ARID2: variants seen among roughly 807,000 people sequenced by gnomAD.
The protein encoded by ARID2 is AT-rich interaction domain 2.
In ARID2, 32 loss-of-function variants were observed where a neutral mutation model predicts 184.6. The ratio of observed to expected loss-of-function variants is 0.17; its 90% confidence interval spans 0.13 to 0.23. ARID2 has a LOEUF of 0.23. ARID2 is among the 10% of genes least tolerant of loss of function. The pLI, the probability that ARID2 is intolerant of heterozygous loss-of-function variation, is 1.00. For missense variants in ARID2, 1,696 were observed against 2,197.6 expected (o/e 0.77, Z 4.56); for synonymous variants, 836 against 772.6 (o/e 1.08, Z -1.36).
chr12:45,817,891 A>AAGTTTT lies in ARID2; in HGVS notation c.637+5_637+10dup. 6.2e-7 allele frequency: 1 copy of AAGTTTT among 1,610,296 alleles called. No individual in the cohort carries two copies. The highest frequency in any genetic ancestry group is 8.5e-7 in the Non-Finnish European group (1 of 1,178,422). On this transcript the variant is annotated splice_donor_region_variant and intron_variant, in intron 5 of 20. Coordinates refer to ENST00000334344, the MANE Select transcript of ARID2 (RefSeq NM_152641.4). ...TAATGCCGGGGTGTTTGACGACAGT[A>AAGTTTT]AGTTTTAAGCTGAATGTATTATATA... is the stretch of plus-strand genomic sequence containing the variant.
intron 6 of ARID2, among the ~76,000 whole-genome samples, chr12:45,828,788 A>C (rs1265225833): frequency 5.3e-5 from 8 of 152,002 alleles, no homozygotes; most frequent in African/African-American, 1.4e-4. Flanking sequence ...ATTTTTAAAT[A>C]ATTATCTTTT....
At chr12:45,893,396 T>TCA (rs1423073845) in intron 18 of ARID2, 24 bp from the exon 19 acceptor site, 3 of 1,597,302 alleles carry the variant, frequency 1.9e-6, no homozygotes, top group Non-Finnish European at 2.6e-6. Context: ...ATTCTCTCTC[T>TCA]CTCTCTCTCT....
Position 45,906,511 on chromosome 12 carries a change from T to C in ARID2, c.*1433T>C, listed in dbSNP as rs190709568. The C allele has an allele frequency of 8.6e-5, 20 of 232,960 alleles. No individual in the cohort carries two copies. Among genetic ancestry groups the C allele is most frequent in the African/African-American group, 3.7e-4 (17 of 45,436 alleles). 14.4% of individuals were successfully genotyped at this position (232,960 alleles called of 1,614,324 possible). A position where few individuals can be genotyped will look rare whatever the true frequency, so the allele number is the denominator to read the frequency against. On this transcript the variant is annotated 3_prime_UTR_variant, in exon 21 of 21. Coordinates refer to ENST00000334344, the MANE Select transcript of ARID2 (RefSeq NM_152641.4). ...GGCTTTATTTACTTTGGTGACTGTTTATAGTTTTTAAATAAAAGACTGAAC... is the reference window on the plus strand; with the variant it reads ...GGCTTTATTTACTTTGGTGACTGTTCATAGTTTTTAAATAAAAGACTGAAC...
chr12:45,835,545 A>T (rs2138122855), intron 6 of ARID2, among the ~76,000 whole-genome samples: 1 of 152,280 alleles, frequency 6.6e-6, no homozygotes, highest in Non-Finnish European at 1.5e-5. Context: ...AATGTCACAG[A>T]TACTGCTAAT....
intron 3 of ARID2, among the ~76,000 whole-genome samples, chr12:45,731,806 G>T (rs1211428861): frequency 2.0e-5 from 3 of 151,596 alleles, no homozygotes; most frequent in Admixed American, 2.0e-4. Context: ...ATTCCTACAT[G>T]GCATAACATG....
intron 16 of ARID2, among the ~76,000 whole-genome samples, chr12:45,885,328 G>A (rs906834165): frequency 9.9e-5 from 15 of 152,020 alleles, no homozygotes; most frequent in African/African-American, 3.6e-4. Context: ...TATGTTTGCA[G>A]TATGAATTTT....
intron 20 of ARID2, among the ~76,000 whole-genome samples, chr12:45,900,604 C>G (rs535369843): frequency 2.5e-4 from 38 of 152,280 alleles, no homozygotes; most frequent in African/African-American, 8.7e-4. Flanking sequence ...CTGGTACACA[C>G]CTCTTCTCAG....
chr12:45,790,107 T>A (rs1470123643), intron 3 of ARID2, among the ~76,000 whole-genome samples: 1 of 152,184 alleles, frequency 6.6e-6, no homozygotes, highest in Non-Finnish European at 1.5e-5. Flanking sequence ...AATAGCGTAT[T>A]TTTCCATTTT....
chr12:45,822,247 A>T (rs979105713), intron 6 of ARID2, among the ~76,000 whole-genome samples: 2 of 152,186 alleles, frequency 1.3e-5, no homozygotes, highest in Admixed American at 6.5e-5. Flanking sequence ...CACACCTGTA[A>T]TCCCAGCACC....
chr12:45,849,116 G>A (rs1044198340), intron 13 of ARID2, 146 bp downstream of exon 13: 3 of 840,282 alleles, frequency 3.6e-6, no homozygotes, highest in African/African-American at 1.8e-5. Context: ...TGTGGTGGAG[G>A]TTTAAATAAA....
In ARID2 at chr12:45,768,946, T is replaced by G. The variant is rs560164465; in HGVS notation, c.284+37632T>G. Among the ~76,000 whole-genome samples, 7 of 152,300 alleles carry G rather than the reference T, an allele frequency of 4.6e-5. No individual in the cohort carries two copies. In the East Asian group the frequency reaches 1.4e-3, roughly 29 times the overall value. On this transcript the variant is annotated intron_variant, in intron 3 of 20. Coordinates refer to ENST00000334344, the MANE Select transcript of ARID2 (RefSeq NM_152641.4). Reference sequence around the variant, plus strand: ...AACCACTGTCATTTCATGGTGACTTTGGGACTATCCAAGGCTGTGCCTCCT... The same window carrying G: ...AACCACTGTCATTTCATGGTGACTTGGGGACTATCCAAGGCTGTGCCTCCT...
At chr12:45,797,371 A>G (rs1942410519) in intron 3 of ARID2, among the ~76,000 whole-genome samples, 1 of 152,074 alleles carries the variant, frequency 6.6e-6, no homozygotes, top group South Asian at 2.1e-4. Flanking sequence ...AGTAGCTGAG[A>G]TTACAGGTGT....
At position 45,772,525 on chromosome 12, in the gene ARID2, A is replaced by G. The variant is rs1215866014; in HGVS notation, c.285-38893A>G. ...CAGGAGACACACTTCAGATTCAAAT[A>G]TATGGATTGAAAATAAAAGGATGAC... On this transcript the variant is annotated intron_variant, in intron 3 of 20. Coordinates refer to ENST00000334344, the MANE Select transcript of ARID2 (RefSeq NM_152641.4). Among the ~76,000 whole-genome samples, 3 of 152,352 alleles carry G rather than the reference A, an allele frequency of 2.0e-5. No individual in the cohort carries two copies. In the East Asian group the frequency reaches 5.8e-4, roughly 29 times the overall value.
chr12:45,794,685 T>C (rs977268497), intron 3 of ARID2, among the ~76,000 whole-genome samples: 4 of 152,222 alleles, frequency 2.6e-5, no homozygotes, highest in African/African-American at 9.6e-5. Context: ...GCATTCGTCT[T>C]GCGTACTTTA....
intron 11 of ARID2, chr12:45,841,703 T>G (rs1239565005): frequency 6.6e-6 from 1 of 152,214 alleles, no homozygotes; most frequent in African/African-American, 2.4e-5. Flanking sequence ...ATAATTACAG[T>G]GCTTTTTGTA....
At chr12:45,828,144 A>G (rs765069173) in intron 6 of ARID2, among the ~76,000 whole-genome samples, 7 of 152,172 alleles carry the variant, frequency 4.6e-5, no homozygotes, top group South Asian at 2.1e-4. Context: ...AACATTATCA[A>G]CACCTCTGAA....
At chr12:45,730,235 C>T in intron 2 of ARID2, 98 bp downstream of exon 2, 2 of 1,201,912 alleles carry the variant, frequency 1.7e-6, no homozygotes, top group Middle Eastern at 2.9e-4. Context: ...GGGGGTGGCC[C>T]GCGGGGGCAA....
chr12:45,799,162 A>G (rs913196321), intron 3 of ARID2, among the ~76,000 whole-genome samples: 11 of 152,132 alleles, frequency 7.2e-5, no homozygotes, highest in Admixed American at 2.6e-4. Flanking sequence ...TCATGGGGAT[A>G]GCAATATGTG....
intron 6 of ARID2, among the ~76,000 whole-genome samples, chr12:45,823,418 C>G (rs1942935842): frequency 6.6e-6 from 1 of 151,782 alleles, no homozygotes; most frequent in East Asian, 1.9e-4. Context: ...CAAACCAAAC[C>G]CAAAATTAGT....
Sources: allele counts gnomAD v4.1 joint callset (sites outside exome capture counted in the v4.1 genomes callset), GRCh38; gene constraint gnomAD v4.1.1; transcripts MANE v1.5; gene names NCBI Gene and HGNC (gene_info 2026-07-23, HGNC 2026-07-21).